The following LRMDA variants were observed in gnomAD, a reference collection of about 807,000 sequenced individuals.
The protein encoded by LRMDA is leucine-rich melanocyte differentiation-associated protein.
Under a neutral mutation model 29.8 loss-of-function variants are expected in LRMDA, and 18 were observed. That is an observed-to-expected ratio of 0.60 (90% CI 0.42 to 0.90). The LOEUF is 0.90. Ranked by LOEUF, LRMDA falls within the 40% of genes least tolerant of loss-of-function variation. LRMDA has a pLI of 0.00. For synonymous variants in LRMDA, 125 were observed against 109.4 expected (o/e 1.14, Z -0.89); for missense variants, 273 against 273.9 (o/e 1.00, Z 0.02).
intron 5 of LRMDA, among the ~76,000 whole-genome samples, chr10:76,210,831 G>T (rs965955598): frequency 6.6e-6 from 1 of 152,160 alleles, no homozygotes; most frequent in South Asian, 2.1e-4. Flanking sequence ...TTCCTCAAAG[G>T]AACATCAGGG....
At chr10:76,162,405 G>T (rs547266911) in intron 5 of LRMDA, among the ~76,000 whole-genome samples, 3 of 152,208 alleles carry the variant, frequency 2.0e-5, no homozygotes, top group Non-Finnish European at 4.4e-5. Flanking sequence ...GTCAATTCTC[G>T]CATTGCTACA....
At chr10:76,132,514 T>G (rs1393649739) in intron 5 of LRMDA, among the ~76,000 whole-genome samples, 1 of 152,030 alleles carries the variant, frequency 6.6e-6, no homozygotes, top group Non-Finnish European at 1.5e-5. Flanking sequence ...CACATTGGAG[T>G]TAAAGGTCTT....
chr10:76,538,553 T>C (rs1014194498), intron 6 of LRMDA, among the ~76,000 whole-genome samples: 2 of 142,014 alleles, frequency 1.4e-5, no homozygotes, highest in African/African-American at 5.5e-5. Context: ...TGTATATATA[T>C]ATACACACAC....
chr10:75,552,801 A>G (rs1840169125), intron 2 of LRMDA, among the ~76,000 whole-genome samples: 1 of 151,150 alleles, frequency 6.6e-6, no homozygotes, highest in Non-Finnish European at 1.5e-5. Flanking sequence ...CCTATCTTCA[A>G]GTTTGTAAAT....
intron 6 of LRMDA, among the ~76,000 whole-genome samples, chr10:76,410,206 G>A (rs574830438): frequency 1.2e-4 from 18 of 152,050 alleles, no homozygotes; most frequent in South Asian, 2.1e-4. Context: ...AGCTAATAGC[G>A]GAGGTGCATG....
rs1003127367 is a variant in LRMDA at position 75,786,205 on chromosome 10, A to G, written c.132-249803A>G. Among the ~76,000 whole-genome samples the G allele has an allele frequency of 4.6e-5, 7 of 152,214 alleles. No homozygotes were observed. The South Asian group carries it at 1.2e-3, about 27-fold the overall frequency. On this transcript the variant is annotated intron_variant, in intron 2 of 6. Transcript: ENST00000611255. Reference sequence around the variant, plus strand: ...ATCTGGGTCGCTTCTCCTCATAACAACTTCCCATTTGGGGCGGTATGAAAA... The same window carrying G: ...ATCTGGGTCGCTTCTCCTCATAACAGCTTCCCATTTGGGGCGGTATGAAAA...
At chr10:76,292,972 A>ATTAT (rs1415953042) in intron 5 of LRMDA, among the ~76,000 whole-genome samples, 2 of 152,048 alleles carry the variant, frequency 1.3e-5, no homozygotes, top group African/African-American at 4.8e-5. Flanking sequence ...TGTGTATTTA[A>ATTAT]TTATTTATTT....
intron 2 of LRMDA, among the ~76,000 whole-genome samples, chr10:75,994,169 A>G (rs1847419534): frequency 6.6e-6 from 1 of 152,220 alleles, no homozygotes. Context: ...TTGTATTTTC[A>G]TTGTAGTCGA....
At chr10:75,997,052 T>C (rs544988340) in intron 2 of LRMDA, among the ~76,000 whole-genome samples, 1 of 152,258 alleles carries the variant, frequency 6.6e-6, no homozygotes, top group East Asian at 1.9e-4. Flanking sequence ...TTTTAAGGAT[T>C]TTTTCCTGAC....
Position 76,317,167 on chromosome 10 carries a change from ACTCTG to A in LRMDA, c.517-7233_517-7229del, listed in dbSNP as rs144948993. On this transcript the variant is annotated intron_variant, in intron 5 of 6. Coordinates refer to ENST00000611255, the MANE Select transcript of LRMDA (RefSeq NM_001305581.2). ...TCAGGCTGATTTGGTTTCTAATCAC[ACTCTG>A]GACTTTAGAACTGGATAGCCTTGTA... 7.6e-3 allele frequency among the ~76,000 whole-genome samples: 1,159 copies of A among 152,234 alleles called. 18 individuals are homozygous for A. The highest frequency in any genetic ancestry group is 0.031 in the Middle Eastern group (9 of 294).
At chr10:75,529,802 A>G (rs1041836213) in intron 2 of LRMDA, among the ~76,000 whole-genome samples, 1 of 152,236 alleles carries the variant, frequency 6.6e-6, no homozygotes, top group Admixed American at 6.5e-5. Context: ...ATAATTATGA[A>G]CACAAAATAT....
At chr10:75,566,611 TC>T (rs1397085777) in intron 2 of LRMDA, among the ~76,000 whole-genome samples, 2 of 152,148 alleles carry the variant, frequency 1.3e-5, no homozygotes, top group Non-Finnish European at 2.9e-5. Flanking sequence ...CTTTTCTTCT[TC>T]AAAGCTTCTC....
chr10:75,991,639 G>A (rs114209796), intron 2 of LRMDA, among the ~76,000 whole-genome samples: 234 of 152,350 alleles, frequency 1.5e-3, no homozygotes, highest in African/African-American at 5.4e-3. Flanking sequence ...GTGTTTAGCA[G>A]GAAAGATGCG....
rs151090470 is a variant in LRMDA, at chr10:75,705,315, G to C, written c.131+266821G>C. On this transcript the variant is annotated intron_variant, in intron 2 of 6. Coordinates refer to ENST00000611255, the MANE Select transcript of LRMDA (RefSeq NM_001305581.2). ...ACTAAATTCAGAGAATAAGAGGGGAGGGAGACCCGAGGATGGGAAGTCTAA... is the reference window on the plus strand; with the variant it reads ...ACTAAATTCAGAGAATAAGAGGGGACGGAGACCCGAGGATGGGAAGTCTAA... Among the ~76,000 whole-genome samples, 39 of 152,286 alleles carry C rather than the reference G, an allele frequency of 2.6e-4. No individual in the cohort carries two copies. In the East Asian group the frequency reaches 7.5e-3, roughly 29 times the overall value.
rs555656004 is a variant in LRMDA, at chr10:76,420,752, A to C, written c.601+96267A>C. The stretch of plus-strand genomic sequence containing the variant: ...GTCATTCAATTCAAGATCTTTTCTA[A>C]TTTCTATGCTGATTTTTTTGACTGT... On this transcript the variant is annotated intron_variant, in intron 6 of 6. Transcript: ENST00000611255. Among the ~76,000 whole-genome samples the C allele has an allele frequency of 3.9e-5, 6 of 152,116 alleles. No homozygotes were observed. The South Asian group carries it at 1.2e-3, about 32-fold the overall frequency.
In LRMDA at chr10:75,496,562, C is replaced by A. The variant is rs189364018; in HGVS notation, c.131+58068C>A. Among the ~76,000 whole-genome samples the A allele has an allele frequency of 3.3e-5, 5 of 152,266 alleles. No individual in the cohort carries two copies. In the East Asian group the frequency reaches 9.6e-4, roughly 29 times the overall value. On this transcript the variant is annotated intron_variant, in intron 2 of 6. Coordinates refer to ENST00000611255, the MANE Select transcript of LRMDA (RefSeq NM_001305581.2). ...ATTTAATAACCCTCATCTTTTTGTGCATGGCTAGAGATGTTTTTCAGGAAC... is the reference window on the plus strand; with the variant it reads ...ATTTAATAACCCTCATCTTTTTGTGAATGGCTAGAGATGTTTTTCAGGAAC...
In LRMDA at chr10:75,789,608, T is replaced by C. The variant is rs559190823; in HGVS notation, c.132-246400T>C. Reference sequence around the variant, plus strand: ...TTATAAATATATTTAAAATCATCTTTATGACAATTCAGTTATGTTTCTTTA... The same window carrying C: ...TTATAAATATATTTAAAATCATCTTCATGACAATTCAGTTATGTTTCTTTA... On this transcript the variant is annotated intron_variant, in intron 2 of 6. Coordinates refer to ENST00000611255, the MANE Select transcript of LRMDA (RefSeq NM_001305581.2). Among the ~76,000 whole-genome samples, 37 of 152,354 alleles carry C rather than the reference T, an allele frequency of 2.4e-4. No homozygotes were observed. The South Asian group carries it at 7.5e-3, about 31-fold the overall frequency.
intron 5 of LRMDA, among the ~76,000 whole-genome samples, chr10:76,137,952 A>T (rs1024256700): frequency 2.0e-5 from 3 of 152,148 alleles, no homozygotes; most frequent in African/African-American, 7.2e-5. Context: ...AGAACTGAGG[A>T]GCGGTGAGAA....
At chr10:76,220,233 C>G (rs1347923006) in intron 5 of LRMDA, among the ~76,000 whole-genome samples, 1 of 152,086 alleles carries the variant, frequency 6.6e-6, no homozygotes, top group Non-Finnish European at 1.5e-5. Context: ...CAAACACATT[C>G]AAAAGCTAGC....
Sources: gnomAD v4.1 joint callset for allele counts (sites outside exome capture counted in the v4.1 genomes callset) on GRCh38, gnomAD v4.1.1 for gene constraint, MANE v1.5 for transcripts, NCBI Gene and HGNC (gene_info 2026-07-23, HGNC 2026-07-21) for gene names.